DMP1: variants seen among roughly 807,000 people sequenced by gnomAD.
DMP1 encodes dentin matrix acidic phosphoprotein 1, also known as dentin matrix protein 1.
A neutral mutation model predicts 14.6 loss-of-function variants in DMP1; 20 were observed. The observed-to-expected ratio is 1.37, with a 90% CI of 0.96 to 1.99. DMP1 has a LOEUF of 1.99. Among genes scored for constraint, DMP1 ranks in the 30% most tolerant of loss-of-function variants. DMP1 has a pLI of 0.00. For missense variants in DMP1, 567 were observed against 620.5 expected, an observed-to-expected ratio of 0.91 and a Z score of 0.92; for synonymous variants, 197 against 215.3, an observed-to-expected ratio of 0.91 and a Z score of 0.75.
intron 1 of DMP1, 71 bp downstream of exon 1, chr4:87,650,455 T>C (rs985812828): frequency 6.6e-6 from 1 of 152,232 alleles, no homozygotes; most frequent in African/African-American, 2.4e-5. Context: ...TAAATATGTA[T>C]ACATGTTTGA....
intron 1 of DMP1, among the ~76,000 whole-genome samples, chr4:87,654,760 C>T (rs1339665695): frequency 6.6e-6 from 1 of 152,182 alleles, no homozygotes; most frequent in East Asian, 1.9e-4. Flanking sequence ...GTCTCATGCT[C>T]AGTGAATCTG....
At position 87,657,079 on chromosome 4, in the gene DMP1, G is replaced by T. The variant is rs1352490606; in HGVS notation, c.102G>T (p.Lys34Asn). The T allele has an allele frequency of 1.2e-5, 19 of 1,525,124 alleles. No individual in the cohort carries two copies. The highest frequency in any genetic ancestry group is 1.7e-5 in the Non-Finnish European group (19 of 1,099,888). 94.5% of individuals were successfully genotyped at this position (1,525,124 alleles called of 1,614,324 possible). A position where few individuals can be genotyped will look rare whatever the true frequency, so the allele number is the denominator to read the frequency against. Residue 34 changes from lysine to asparagine, a missense_variant and splice_region_variant, in exon 3 of 6, where the codon AAG (lysine) becomes AAT (asparagine). By Grantham distance (94) the Lys-to-Asn change is moderately conservative. Transcript: ENST00000339673. ...NNESEDSEEWKGHLAQAPTPP... is the reference protein window; with the variant it reads ...NNESEDSEEWNGHLAQAPTPP... ...AATCTGAGGATTCTGAAGAATGGAAGGTGAGTAGAAATATGACTTTTTGAA... is the reference window on the plus strand; with the variant it reads ...AATCTGAGGATTCTGAAGAATGGAATGTGAGTAGAAATATGACTTTTTGAA...
chr4:87,659,575 T>C, intron 5 of DMP1, 97 bp downstream of exon 5: 1 of 1,202,850 alleles, frequency 8.3e-7, no homozygotes, highest in Non-Finnish European at 1.2e-6. Context: ...AAATATAATA[T>C]TTTCTAACTA....
intron 1 of DMP1, among the ~76,000 whole-genome samples, chr4:87,653,060 T>C (rs560412889): frequency 2.0e-5 from 3 of 152,248 alleles, no homozygotes; most frequent in African/African-American, 7.2e-5. Flanking sequence ...AGCATTTTCA[T>C]ATGTTTTTCT....
In DMP1 at chr4:87,662,878, A is replaced by T; in HGVS notation, c.1100A>T (p.Asn367Ile). 1 of 1,614,054 alleles carries T rather than the reference A, an allele frequency of 6.2e-7. No homozygotes were observed. Among genetic ancestry groups the T allele is most frequent in the Non-Finnish European group, 8.5e-7 (1 of 1,180,016 alleles). Residue 367 changes from asparagine to isoleucine, a missense_variant, in exon 6 of 6, where the codon AAC becomes ATC. Asn to Ile is a moderately radical substitution (Grantham distance 149, BLOSUM62 -3). Transcript: ENST00000339673. Reference protein sequence around the residue: ...EEVVSESRGDNPDPTTSYVED... With the variant: ...EEVVSESRGDIPDPTTSYVED... ...GTGGTGAGTGAGTCCAGGGGAGATAACCCCGACCCCACAACTAGTTATGTA... is the reference window on the plus strand; with the variant it reads ...GTGGTGAGTGAGTCCAGGGGAGATATCCCCGACCCCACAACTAGTTATGTA...
Position 87,663,521 on chromosome 4 carries a change from A to G in DMP1, c.*201A>G. ...GGTTTAAATACTGTGGAGTGACACC[A>G]GAACACAGCCAAAGAGGCTAGAAGC... On this transcript the variant is annotated 3_prime_UTR_variant, in exon 6 of 6. Coordinates refer to ENST00000339673, the MANE Select transcript of DMP1 (RefSeq NM_004407.4). The G allele has an allele frequency of 1.4e-6, 1 of 712,570 alleles. No homozygotes were observed. The allele number at this position is 712,570 out of a possible 1,614,324, so 44.1% of individuals were successfully genotyped here.
rs1728922736 is a variant in DMP1, at chr4:87,662,291, G to A, written c.513G>A (p.Glu171=). The change falls in exon 6 of 6, where the codon GAG becomes GAA. Residue 171 remains glutamate (E), a synonymous_variant. Coordinates refer to ENST00000339673, the MANE Select transcript of DMP1 (RefSeq NM_004407.4). ...TTSESRELDN[E]DRVDSKPEGG... ...GTGAGAGCAGGGAACTTGACAATGAGGACCGGGTGGACAGCAAGCCTGAGG... is the reference window on the plus strand; with the variant it reads ...GTGAGAGCAGGGAACTTGACAATGAAGACCGGGTGGACAGCAAGCCTGAGG... The A allele has an allele frequency of 1.2e-6, 2 of 1,614,112 alleles. No homozygotes were observed. The highest frequency in any genetic ancestry group is 1.1e-5 in the South Asian group (1 of 91,090).
intron 1 of DMP1, among the ~76,000 whole-genome samples, chr4:87,656,261 C>G (rs1728687532): frequency 6.6e-6 from 1 of 152,148 alleles, no homozygotes; most frequent in South Asian, 2.1e-4. Flanking sequence ...GCATAGTGTT[C>G]TCAAGTTTCC....
At chr4:87,661,909 C>A (rs1236917900) in intron 5 of DMP1, 53 bp from the exon 6 acceptor site, 1 of 1,613,562 alleles carries the variant, frequency 6.2e-7, no homozygotes, top group Non-Finnish European at 8.5e-7. Flanking sequence ...TAGATAACTC[C>A]TTCTCTATCG....
rs1222198052 is a variant in DMP1, at chr4:87,655,098, G to A, written c.-21-1374G>A. Among the ~76,000 whole-genome samples the A allele has an allele frequency of 8.5e-5, 13 of 152,148 alleles. 1 individual carries two copies. The highest frequency in any genetic ancestry group is 8.5e-4 in the Admixed American group (13 of 15,270). ...TTCCCTTTGACTTAGTGAGTTTGGG[G>A]TCCCAAGATTTTATTTTCCTTTCAC... On this transcript the variant is annotated intron_variant, in intron 1 of 5. Transcript: ENST00000339673.
intron 1 of DMP1, among the ~76,000 whole-genome samples, chr4:87,654,505 G>C (rs1180667867): frequency 1.3e-5 from 2 of 152,110 alleles, no homozygotes; most frequent in Non-Finnish European, 2.9e-5. Context: ...GACTTATCTT[G>C]CCAAAATTGA....
At chr4:87,657,888 C>T (rs890880249) in intron 3 of DMP1, among the ~76,000 whole-genome samples, 5 of 152,192 alleles carry the variant, frequency 3.3e-5, no homozygotes, top group Admixed American at 3.3e-4. Context: ...AGCTTGGCCC[C>T]AATGCTTTTG....
At chr4:87,657,211 C>G (rs1429204283) in intron 3 of DMP1, 132 bp downstream of exon 3, 1 of 610,332 alleles carries the variant, frequency 1.6e-6, no homozygotes, top group African/African-American at 1.9e-5. Flanking sequence ...CTATAGAGTT[C>G]ATAGAAGAAA....
At chr4:87,659,169 A>G in intron 3 of DMP1, 51 bp from the exon 4 acceptor site, 1 of 1,580,086 alleles carries the variant, frequency 6.3e-7, no homozygotes, top group South Asian at 1.1e-5. Flanking sequence ...TACAATAATG[A>G]AATCCATCTG....
At chr4:87,657,942 C>T (rs1728746150) in intron 3 of DMP1, among the ~76,000 whole-genome samples, 1 of 152,182 alleles carries the variant, frequency 6.6e-6, no homozygotes, top group Admixed American at 6.5e-5. Flanking sequence ...GGGTCCTGTC[C>T]ATGCCTGAGT....
intron 3 of DMP1, 34 bp from the exon 4 acceptor site, chr4:87,659,186 A>T (rs766263291): frequency 6.2e-7 from 1 of 1,608,056 alleles, no homozygotes; most frequent in Non-Finnish European, 8.5e-7. Flanking sequence ...TCTGTGAGGG[A>T]GTAATTTGTT....
intron 5 of DMP1, among the ~76,000 whole-genome samples, chr4:87,660,981 G>A (rs1728846351): frequency 2.0e-5 from 3 of 152,136 alleles, no homozygotes; most frequent in Non-Finnish European, 4.4e-5. Context: ...ACACTTTAAT[G>A]CATGAGCATT....
chr4:87,662,192 G>T lies in DMP1; in HGVS notation c.414G>T (p.Glu138Asp), dbSNP rs749172635. 1.2e-6 allele frequency: 2 copies of T among 1,614,092 alleles called. No individual in the cohort carries two copies. Among genetic ancestry groups the T allele is most frequent in the East Asian group, 4.5e-5 (2 of 44,890 alleles). ...GAAACTCCAGACTGGGAAGTGATGA[G>T]GACTCTGATGACACCATACAAGCCA... ...EGGNSRLGSD[E>D]DSDDTIQASE... is the part of the protein sequence containing the mutation. Residue 138 changes from glutamate to aspartate, a missense_variant, in exon 6 of 6, where the codon GAG becomes GAT. Coordinates refer to ENST00000339673, the MANE Select transcript of DMP1 (RefSeq NM_004407.4).
rs185655763 is a variant in DMP1 at position 87,662,982 on chromosome 4, G to A, written c.1204G>A (p.Glu402Lys). 5.4e-5 allele frequency: 87 copies of A among 1,614,172 alleles called. No homozygotes were observed. Among genetic ancestry groups the A allele is most frequent in the Non-Finnish European group, 1.1e-5 (13 of 1,180,042 alleles). ...CCACTCAAAAAGTGAATCCAGAGAG[G>A]AGCAAGCAGACAGCGAATCCAGTGA... ...LSHSKSESRE[E>K]QADSESSESL... The change falls in exon 6 of 6, where the codon GAG (glutamate) becomes AAG (lysine). Residue 402 changes from glutamate to lysine, a missense_variant. Transcript: ENST00000339673.
Sources: gnomAD v4.1 joint callset for allele counts (sites outside exome capture counted in the v4.1 genomes callset) on GRCh38, gnomAD v4.1.1 for gene constraint, MANE v1.5 for transcripts, NCBI Gene and HGNC (gene_info 2026-07-23, HGNC 2026-07-21) for gene names.